The following DOP1A variants were observed in gnomAD, a reference collection of about 807,000 sequenced individuals.
The protein encoded by DOP1A is DOP1 leucine zipper like protein A, also known as protein DOP1A.
Under a neutral mutation model 267.6 loss-of-function variants are expected in DOP1A, and 90 were observed. That is an observed-to-expected ratio of 0.34 (90% CI 0.28 to 0.40). DOP1A has a LOEUF of 0.40. Among genes scored for constraint, DOP1A ranks in the 10% least tolerant of loss-of-function variants. The pLI is 1.00. For missense variants in DOP1A, 2,437 were observed against 2,900.4 expected, an observed-to-expected ratio of 0.84 and a Z score of 3.67; for synonymous variants, 932 against 999.1, an observed-to-expected ratio of 0.93 and a Z score of 1.27.
chr6:83,161,584 T>C (rs1274217302), intron 37 of DOP1A, among the ~76,000 whole-genome samples: 1 of 152,176 alleles, frequency 6.6e-6, no homozygotes, highest in African/African-American at 2.4e-5. Flanking sequence ...GTTAATAATT[T>C]ATAGGATGGT....
In DOP1A at chr6:83,124,712, C is replaced by A; in HGVS notation, c.1348C>A (p.Leu450Met). 1 of 1,612,168 alleles carries A rather than the reference C, an allele frequency of 6.2e-7. No homozygotes were observed. Among genetic ancestry groups the A allele is most frequent in the Non-Finnish European group, 8.5e-7 (1 of 1,179,114 alleles). ...TGAATTTTGTCCTTTTAGGAGGACACTGCATGTGAGACTTCAGATTGGACC... is the reference window on the plus strand; with the variant it reads ...TGAATTTTGTCCTTTTAGGAGGACAATGCATGTGAGACTTCAGATTGGACC... Reference protein sequence around the residue: ...RWFEECCRRTLHVRLQIGPGD... With the variant: ...RWFEECCRRTMHVRLQIGPGD... The change falls in exon 13 of 39, where the codon CTG (leucine) becomes ATG (methionine). Residue 450 changes from leucine (L) to methionine (M), a missense_variant. Physicochemically the swap from Leu to Met is conservative, Grantham distance 15. Coordinates refer to ENST00000349129, the MANE Select transcript of DOP1A (RefSeq NM_015018.4).
intron 1 of DOP1A, among the ~76,000 whole-genome samples, chr6:83,081,865 C>G (rs1163959726): frequency 6.6e-6 from 1 of 151,976 alleles, no homozygotes; most frequent in Admixed American, 6.6e-5. Flanking sequence ...TTAAAATATG[C>G]AAAAGACCTG....
Position 83,140,320 on chromosome 6 carries a change from A to G in DOP1A, c.5332A>G (p.Ile1778Val). The change falls in exon 23 of 39, where the codon ATA becomes GTA. Residue 1778 changes from isoleucine to valine, a missense_variant. Coordinates refer to ENST00000349129, the MANE Select transcript of DOP1A (RefSeq NM_015018.4). Reference protein sequence around the residue: ...IMSSVTLLWSILHQADSSEKM... With the variant: ...IMSSVTLLWSVLHQADSSEKM... ...GTCCTCTGTGACACTGCTTTGGAGC[A>G]TACTGCATCAAGCTGATTCTTCAGA... is the stretch of plus-strand genomic sequence containing the variant. 4 of 1,613,612 alleles carry G rather than the reference A, an allele frequency of 2.5e-6. No homozygotes were observed. The highest frequency in any genetic ancestry group is 3.4e-6 in the Non-Finnish European group (4 of 1,179,884).
chr6:83,119,083 A>C, intron 8 of DOP1A, 96 bp downstream of exon 8: 1 of 1,003,042 alleles, frequency 1.0e-6, no homozygotes, highest in East Asian at 2.4e-5. Context: ...TCCTGAATTT[A>C]AAAACTAAAA....
chr6:83,146,681 G>A (rs936420634), intron 25 of DOP1A, among the ~76,000 whole-genome samples: 2 of 152,148 alleles, frequency 1.3e-5, no homozygotes, highest in African/African-American at 2.4e-5. Flanking sequence ...ATTGATAAAC[G>A]TCAGTGGTCA....
intron 18 of DOP1A, 36 bp downstream of exon 18, chr6:83,132,364 G>GCC: frequency 7.7e-6 from 12 of 1,556,138 alleles, no homozygotes; most frequent in Non-Finnish European, 1.0e-5. Flanking sequence ...CGCCCCCTCC[G>GCC]CCACACACAC....
At chr6:83,169,087 A>T, downstream of DOP1A, 1 of 1,441,166 alleles carries the variant, frequency 6.9e-7, no homozygotes, top group South Asian at 1.5e-5. Flanking sequence ...TTATTCTGTT[A>T]GTGTTTAAGA....
At chr6:83,098,921 C>T (rs1358313391) in intron 3 of DOP1A, among the ~76,000 whole-genome samples, 1 of 152,194 alleles carries the variant, frequency 6.6e-6, no homozygotes, top group Admixed American at 6.5e-5. Flanking sequence ...GCATTCCTTC[C>T]TTCTGGGTAT....
In DOP1A at chr6:83,074,870, A is replaced by G. The variant is rs957545073; in HGVS notation, c.-147+7091A>G. On this transcript the variant is annotated intron_variant, in intron 1 of 38. Coordinates refer to ENST00000349129, the MANE Select transcript of DOP1A (RefSeq NM_015018.4). ...AGGATTGCTTGAGCCCAGCAATGCT[A>G]AATGAAATGTTGAATACATTTCAAC... Among the ~76,000 whole-genome samples the G allele has an allele frequency of 2.2e-4, 34 of 152,362 alleles. 1 individual carries two copies. The highest frequency in any genetic ancestry group is 1.2e-3 in the South Asian group (6 of 4,832).
Position 83,118,941 on chromosome 6 carries a change from A to G in DOP1A, c.834A>G (p.Leu278=), listed in dbSNP as rs777232077. The change falls in exon 8 of 39, where the codon CTA becomes CTG. Residue 278 remains leucine, a synonymous_variant. Transcript: ENST00000349129. ...RILSAALHVV[L]RRDMSLNRRL... ...TGTCAGCAGCCCTTCATGTAGTGCT[A>G]AGGAGGGATATGTCTCTGAATCGAA... is the stretch of plus-strand genomic sequence containing the variant. 3 of 1,613,602 alleles carry G rather than the reference A, an allele frequency of 1.9e-6. No homozygotes were observed. Among genetic ancestry groups the G allele is most frequent in the Admixed American group, 3.3e-5 (2 of 60,004 alleles).
At chr6:83,081,704 A>G (rs1359879228) in intron 1 of DOP1A, among the ~76,000 whole-genome samples, 1 of 152,246 alleles carries the variant, frequency 6.6e-6, no homozygotes, top group Non-Finnish European at 1.5e-5. Flanking sequence ...ATATGAAATT[A>G]AAAAGCTTCT....
At chr6:83,170,563 G>A, downstream of DOP1A, 2 of 1,014,606 alleles carry the variant, frequency 2.0e-6, no homozygotes, top group Non-Finnish European at 1.5e-6. Context: ...TACGAAAAGT[G>A]CCAGACTAAA....
intron 28 of DOP1A, 111 bp downstream of exon 28, chr6:83,151,770 G>A: frequency 7.0e-7 from 1 of 1,431,108 alleles, no homozygotes; most frequent in Non-Finnish European, 9.6e-7. Flanking sequence ...AACATTCTAT[G>A]GGAATCAACA....
intron 1 of DOP1A, among the ~76,000 whole-genome samples, chr6:83,085,230 A>G (rs1190271629): frequency 6.6e-6 from 1 of 152,226 alleles, no homozygotes; most frequent in Non-Finnish European, 1.5e-5. Context: ...TCATTTATTC[A>G]GATTATATTT....
chr6:83,079,383 T>C (rs541268469), intron 1 of DOP1A, among the ~76,000 whole-genome samples: 1 of 152,308 alleles, frequency 6.6e-6, no homozygotes, highest in Non-Finnish European at 1.5e-5. Context: ...TAAAATTCCA[T>C]GGGATTTTTT....
At chr6:83,104,986 AACCTGT>A (rs1266081882) in intron 4 of DOP1A, among the ~76,000 whole-genome samples, 3 of 152,078 alleles carry the variant, frequency 2.0e-5, no homozygotes, top group Non-Finnish European at 4.4e-5. Flanking sequence ...CCCTATTTAG[AACCTGT>A]CTATGCTCCA....
intron 17 of DOP1A, among the ~76,000 whole-genome samples, chr6:83,131,696 C>T (rs1009190855): frequency 1.3e-5 from 2 of 151,824 alleles, no homozygotes; most frequent in African/African-American, 4.8e-5. Context: ...CGTTCTGTCG[C>T]GCAATCTCTG....
At chr6:83,086,052 A>G (rs1364868773) in intron 1 of DOP1A, among the ~76,000 whole-genome samples, 2 of 152,114 alleles carry the variant, frequency 1.3e-5, no homozygotes, top group Non-Finnish European at 1.5e-5. Flanking sequence ...AACAGATGCT[A>G]TTGGAGCTAT....
intron 1 of DOP1A, among the ~76,000 whole-genome samples, chr6:83,082,397 A>G (rs975678048): frequency 1.3e-5 from 2 of 152,240 alleles, no homozygotes; most frequent in Non-Finnish European, 2.9e-5. Flanking sequence ...TGTTAAGTGA[A>G]ATAAGCAAAG....
Sources: allele counts gnomAD v4.1 joint callset (sites outside exome capture counted in the v4.1 genomes callset), GRCh38; gene constraint gnomAD v4.1.1; transcripts MANE v1.5; gene names NCBI Gene and HGNC (gene_info 2026-07-23, HGNC 2026-07-21).